Variants in PPP4R3B observed in about 807,000 individuals in gnomAD.
The protein encoded by PPP4R3B is serine/threonine-protein phosphatase 4 regulatory subunit 3B.
PPP4R3B carries 52 observed loss-of-function variants against 95.4 expected under a neutral mutation model. That is an observed-to-expected ratio of 0.54 (90% CI 0.44 to 0.69). PPP4R3B has a LOEUF of 0.69. Ranked by LOEUF, PPP4R3B falls within the 30% of genes least tolerant of loss-of-function variation. PPP4R3B has a pLI of 0.00. For synonymous variants in PPP4R3B, 407 were observed against 343.9 expected, an observed-to-expected ratio of 1.18 and a Z score of -2.03; for missense variants, 1,003 against 1,005.9, an observed-to-expected ratio of 1.00 and a Z score of 0.04.
intron 15 of PPP4R3B, among the ~76,000 whole-genome samples, chr2:55,560,484 A>G (rs1293701684): frequency 6.6e-6 from 1 of 152,170 alleles, no homozygotes; most frequent in East Asian, 1.9e-4. Context: ...CAAAGCATTC[A>G]AGTGGTGGCC....
chr2:55,583,204 C>T (rs1209756939), intron 7 of PPP4R3B, among the ~76,000 whole-genome samples: 5 of 152,006 alleles, frequency 3.3e-5, no homozygotes, highest in Non-Finnish European at 7.4e-5. Context: ...ACCACCAGCC[C>T]AGTATGGAAT....
At chr2:55,603,519 T>G (rs1692948061) in intron 3 of PPP4R3B, among the ~76,000 whole-genome samples, 1 of 152,240 alleles carries the variant, frequency 6.6e-6, no homozygotes, top group South Asian at 2.1e-4. Flanking sequence ...AAATTCTAGT[T>G]ACTTAAGAGT....
chr2:55,616,141 C>G (rs888606099), intron 1 of PPP4R3B, among the ~76,000 whole-genome samples: 3 of 152,018 alleles, frequency 2.0e-5, no homozygotes, highest in African/African-American at 7.3e-5. Flanking sequence ...TAAATGACCA[C>G]TTCAAGCCAT....
intron 4 of PPP4R3B, among the ~76,000 whole-genome samples, chr2:55,597,100 T>C (rs111707510): frequency 0.14 from 20,598 of 152,152 alleles, 2,842 homozygotes; most frequent in African/African-American, 0.35. Context: ...AGAGTTTCTG[T>C]TTGGGATGAT....
intron 16 of PPP4R3B, among the ~76,000 whole-genome samples, chr2:55,556,322 A>G (rs2103814703): frequency 6.6e-6 from 1 of 152,362 alleles, no homozygotes; most frequent in African/African-American, 2.4e-5. Context: ...GTTACTGTCA[A>G]GAAGAGTGAA....
At chr2:55,578,165 A>C in intron 10 of PPP4R3B, 82 bp downstream of exon 10, 2 of 1,233,334 alleles carry the variant, frequency 1.6e-6, no homozygotes, top group South Asian at 8.0e-5. Flanking sequence ...AGCAACTTTG[A>C]AAACAAGAAA....
chr2:55,551,371 C>T (rs923879671), intron 16 of PPP4R3B, among the ~76,000 whole-genome samples: 1 of 151,526 alleles, frequency 6.6e-6, no homozygotes, highest in Non-Finnish European at 1.5e-5. Context: ...AAACACAAAA[C>T]CTTGGGCAAG....
At chr2:55,564,651 C>T (rs1181038860) in intron 14 of PPP4R3B, among the ~76,000 whole-genome samples, 154 bp from the exon 15 acceptor site, 1 of 152,042 alleles carries the variant, frequency 6.6e-6, no homozygotes, top group Non-Finnish European at 1.5e-5. Context: ...GAAGATGTAG[C>T]CAGAGAACAC....
At chr2:55,573,163 G>A (rs1253835187) in intron 12 of PPP4R3B, among the ~76,000 whole-genome samples, 1 of 151,968 alleles carries the variant, frequency 6.6e-6, no homozygotes, top group Non-Finnish European at 1.5e-5. Context: ...AATTTTTATG[G>A]TCAGAATAAA....
intron 8 of PPP4R3B, among the ~76,000 whole-genome samples, chr2:55,581,029 G>T (rs780575724): frequency 2.0e-5 from 3 of 152,090 alleles, no homozygotes; most frequent in Non-Finnish European, 2.9e-5. Context: ...GAGGCGGGTG[G>T]ATCACCTGAG....
intron 4 of PPP4R3B, among the ~76,000 whole-genome samples, chr2:55,596,146 A>G (rs937904219): frequency 6.6e-6 from 1 of 152,188 alleles, no homozygotes; most frequent in African/African-American, 2.4e-5. Context: ...GGAAGAAAAC[A>G]TACTTTTAAC....
chr2:55,563,545 G>T (rs1163853577), intron 15 of PPP4R3B, among the ~76,000 whole-genome samples: 1 of 151,990 alleles, frequency 6.6e-6, no homozygotes, highest in Non-Finnish European at 1.5e-5. Context: ...TTTAATTTTT[G>T]TGTTTTTTTG....
chr2:55,587,203 T>G (rs530578220), intron 5 of PPP4R3B, among the ~76,000 whole-genome samples: 1 of 152,360 alleles, frequency 6.6e-6, no homozygotes, highest in Non-Finnish European at 1.5e-5. Flanking sequence ...TCTATTAGTA[T>G]GCAAAAATGC....
intron 11 of PPP4R3B, among the ~76,000 whole-genome samples, chr2:55,575,405 C>T (rs1688550147): frequency 6.6e-6 from 1 of 152,146 alleles, no homozygotes; most frequent in Non-Finnish European, 1.5e-5. Flanking sequence ...CTCACATGGA[C>T]AATCATGCAC....
chr2:55,609,676 A>C (rs955479459), intron 2 of PPP4R3B, among the ~76,000 whole-genome samples: 9 of 151,868 alleles, frequency 5.9e-5, no homozygotes, highest in African/African-American at 1.7e-4. Flanking sequence ...TCAAAAAAAA[A>C]AAAAACAAAA....
rs536450134 is a variant in PPP4R3B, at chr2:55,559,548, C to T, written c.2261-580G>A. Among the ~76,000 whole-genome samples, 5 of 152,116 alleles carry T rather than the reference C, an allele frequency of 3.3e-5. No homozygotes were observed. In the East Asian group the frequency reaches 9.7e-4, roughly 29 times the overall value. On this transcript the variant is annotated intron_variant, in intron 15 of 16. Transcript: ENST00000616407. ...GTGACTGGATCATGGGGGTGGATTT[C>T]GCCCTTGCTGTTCTTGTGATAGTGA...
rs1695052306 is a variant in PPP4R3B at position 55,617,041 on chromosome 2, C to G, written c.142+103G>C. 4 of 1,364,236 alleles carry G rather than the reference C, an allele frequency of 2.9e-6. No individual in the cohort carries two copies. In the South Asian group the frequency reaches 5.9e-5, roughly 20 times the overall value. 84.5% of individuals were successfully genotyped at this position (1,364,236 alleles called of 1,614,324 possible). ...CAAGAGCCAGTTCAGAACCAACGCG[C>G]TGTCCCGAAGGAGTAGCAACGGTAA... On this transcript the variant is annotated intron_variant, in intron 1 of 16. Coordinates refer to ENST00000616407, the MANE Select transcript of PPP4R3B (RefSeq NM_001122964.3).
intron 16 of PPP4R3B, among the ~76,000 whole-genome samples, chr2:55,552,715 A>G (rs1558931078): frequency 6.6e-6 from 1 of 152,180 alleles, no homozygotes; most frequent in African/African-American, 2.4e-5. Flanking sequence ...CTGGTTGGAC[A>G]TTTGGGTTGT....
chr2:55,564,885 G>A lies in PPP4R3B; in HGVS notation c.2075+17C>T. On this transcript the variant is annotated intron_variant, in intron 14 of 16. Transcript: ENST00000616407. ...CACAGTTTTGTAGGCTATAAAAGCA[G>A]TATACTTAAACAATACCTGTTCAGT... is the stretch of plus-strand genomic sequence containing the variant. 1 of 1,604,180 alleles carries A rather than the reference G, an allele frequency of 6.2e-7. No homozygotes were observed. The highest frequency in any genetic ancestry group is 1.3e-5 in the African/African-American group (1 of 74,448).
Sources: gnomAD v4.1 joint callset for allele counts (sites outside exome capture counted in the v4.1 genomes callset) on GRCh38, gnomAD v4.1.1 for gene constraint, MANE v1.5 for transcripts, NCBI Gene and HGNC (gene_info 2026-07-23, HGNC 2026-07-21) for gene names.